Variants in PCDH15 observed in about 807,000 individuals in gnomAD.
The protein encoded by PCDH15 is protocadherin related 15, also known as protocadherin-15.
A neutral mutation model predicts 178.5 loss-of-function variants in PCDH15; 129 were observed. That is an observed-to-expected ratio of 0.72 (90% confidence interval 0.63 to 0.84). The LOEUF (loss-of-function observed/expected upper bound fraction) is 0.84, where lower values mean the gene tolerates loss of function less well. Ranked by LOEUF, PCDH15 falls within the 40% of genes least tolerant of loss-of-function variation. The pLI is 0.00. For synonymous variants in PCDH15, 800 were observed against 732.0 expected (o/e 1.09, Z -1.50); for missense variants, 2,230 against 2,099.9 (o/e 1.06, Z -1.21).
chr10:55,302,677 A>T (rs1843315804), intron 1 of PCDH15, among the ~76,000 whole-genome samples: 1 of 152,140 alleles, frequency 6.6e-6, no homozygotes, highest in Admixed American at 6.6e-5. Context: ...CATCTCAAAA[A>T]TAACTTCAAA....
intron 3 of PCDH15, among the ~76,000 whole-genome samples, chr10:54,456,078 G>A (rs1049837926): frequency 1.3e-5 from 2 of 152,136 alleles, no homozygotes; most frequent in African/African-American, 4.8e-5. Flanking sequence ...AGCCTCTCCT[G>A]GGGAAATGTG....
At chr10:53,842,572 A>G (rs2132801875) in intron 28 of PCDH15, among the ~76,000 whole-genome samples, 1 of 152,284 alleles carries the variant, frequency 6.6e-6, no homozygotes, top group South Asian at 2.1e-4. Flanking sequence ...AAAACAAGGA[A>G]ATAATGTACC....
chr10:54,174,299 G>T (rs188734184), intron 13 of PCDH15, among the ~76,000 whole-genome samples: 1 of 152,124 alleles, frequency 6.6e-6, no homozygotes. Flanking sequence ...TTGGGAGGCC[G>T]AGGCAGGCAG....
At chr10:55,160,505 G>T (rs1450002839) in intron 2 of PCDH15, among the ~76,000 whole-genome samples, 1 of 151,820 alleles carries the variant, frequency 6.6e-6, no homozygotes, top group Non-Finnish European at 1.5e-5. Context: ...CACTGCTTAG[G>T]ACAGACAATA....
intron 8 of PCDH15, among the ~76,000 whole-genome samples, chr10:54,298,344 G>T (rs1046119458): frequency 2.0e-5 from 3 of 152,116 alleles, no homozygotes; most frequent in African/African-American, 7.2e-5. Context: ...GGCAACCTTG[G>T]TGTTCTATAA....
In PCDH15 at chr10:54,521,654, A is replaced by G. The variant is rs563943805; in HGVS notation, c.157+6158T>C. Among the ~76,000 whole-genome samples the G allele has an allele frequency of 9.2e-5, 14 of 152,318 alleles. No individual in the cohort carries two copies. The South Asian group carries it at 1.2e-3, about 14-fold the overall frequency. Reference sequence around the variant, plus strand: ...TTCTGACACTAAGTATTACTTTCCAATAGAAATCATCACATTCATATTGAC... The same window carrying G: ...TTCTGACACTAAGTATTACTTTCCAGTAGAAATCATCACATTCATATTGAC... On this transcript the variant is annotated intron_variant, in intron 3 of 37. Coordinates refer to ENST00000644397, the MANE Select transcript of PCDH15 (RefSeq NM_001384140.1).
chr10:54,779,510 G>A (rs1283647837), intron 1 of PCDH15, among the ~76,000 whole-genome samples: 4 of 135,998 alleles, frequency 2.9e-5, no homozygotes, highest in Admixed American at 7.4e-5. Context: ...ACACATATAT[G>A]TGTGTATATA....
intron 1 of PCDH15, among the ~76,000 whole-genome samples, chr10:54,726,597 A>C (rs942167739): frequency 6.6e-6 from 1 of 151,544 alleles, no homozygotes; most frequent in Non-Finnish European, 1.5e-5. Flanking sequence ...CTTGGTTTTC[A>C]ATGAAGATCA....
intron 1 of PCDH15, among the ~76,000 whole-genome samples, chr10:55,180,298 T>C (rs1316177146): frequency 1.3e-5 from 2 of 152,074 alleles, no homozygotes; most frequent in Non-Finnish European, 2.9e-5. Context: ...TGTAGAAAGT[T>C]TGGGGAACAG....
intron 8 of PCDH15, among the ~76,000 whole-genome samples, chr10:54,262,949 G>A (rs2132323737): frequency 6.6e-6 from 1 of 152,312 alleles, no homozygotes; most frequent in Admixed American, 6.5e-5. Flanking sequence ...AGACACCATG[G>A]TTGCCAGCTG....
chr10:54,250,105 A>G (rs896636527), intron 8 of PCDH15, among the ~76,000 whole-genome samples: 1 of 142,084 alleles, frequency 7.0e-6, no homozygotes. Flanking sequence ...TATTGGTTTC[A>G]CCATTTTGCC....
chr10:54,893,964 AGCAGCGTTTAT>A (rs1470633868), intron 3 of PCDH15, among the ~76,000 whole-genome samples: 1 of 152,128 alleles, frequency 6.6e-6, no homozygotes, highest in East Asian at 1.9e-4. Flanking sequence ...TCACTGGAAA[AGCAGCGTTTAT>A]ACAGTCTGTA....
chr10:54,725,240 A>C (rs1236652575), intron 1 of PCDH15, among the ~76,000 whole-genome samples: 2 of 151,136 alleles, frequency 1.3e-5, no homozygotes, highest in Non-Finnish European at 3.0e-5. Flanking sequence ...ATTTGTAAAA[A>C]TATTTACATT....
chr10:55,139,831 T>G (rs1838299098), intron 2 of PCDH15, among the ~76,000 whole-genome samples: 1 of 152,000 alleles, frequency 6.6e-6, no homozygotes, highest in Admixed American at 6.6e-5. Flanking sequence ...CTTGGTATTT[T>G]AGTATGAATT....
intron 1 of PCDH15, among the ~76,000 whole-genome samples, chr10:54,682,096 G>C (rs1450270741): frequency 6.6e-6 from 1 of 152,154 alleles, no homozygotes; most frequent in African/African-American, 2.4e-5. Context: ...GCATAGGGAT[G>C]ATGGACCACT....
chr10:55,626,673 T>G (rs2132177885), intron 2 of PCDH15, among the ~76,000 whole-genome samples: 1 of 152,334 alleles, frequency 6.6e-6, no homozygotes, highest in African/African-American at 2.4e-5. Flanking sequence ...TCAAGGGCCT[T>G]TTCTAACAAT....
chr10:53,927,329 T>C (rs1305417688), intron 25 of PCDH15, among the ~76,000 whole-genome samples: 2 of 152,184 alleles, frequency 1.3e-5, no homozygotes, highest in African/African-American at 2.4e-5. Flanking sequence ...CCTTTTACCT[T>C]GGAATACACT....
intron 3 of PCDH15, among the ~76,000 whole-genome samples, chr10:54,443,602 T>A (rs1288293787): frequency 6.6e-6 from 1 of 151,696 alleles, no homozygotes; most frequent in Admixed American, 6.6e-5. Context: ...GAATTAAACA[T>A]CCATCTGTCG....
chr10:54,656,755 C>T (rs1242701906), intron 2 of PCDH15, among the ~76,000 whole-genome samples: 1 of 152,144 alleles, frequency 6.6e-6, no homozygotes, highest in African/African-American at 2.4e-5. Context: ...GGTGCACAGA[C>T]AGCCCTCCAA....
Sources: gnomAD v4.1 joint callset for allele counts (sites outside exome capture counted in the v4.1 genomes callset) on GRCh38, gnomAD v4.1.1 for gene constraint, MANE v1.5 for transcripts, NCBI Gene and HGNC (gene_info 2026-07-23, HGNC 2026-07-21) for gene names.